ALK: variants seen among roughly 807,000 people sequenced by gnomAD.
The protein encoded by ALK is ALK receptor tyrosine kinase.
ALK carries 74 observed loss-of-function variants against 163.1 expected under a neutral mutation model. The ratio of observed to expected loss-of-function variants is 0.45; its 90% CI spans 0.38 to 0.55. The LOEUF (loss-of-function observed/expected upper bound fraction) is 0.55, where lower values mean the gene tolerates loss of function less well. ALK is among the 20% of genes least tolerant of loss of function. The probability of loss-of-function intolerance (pLI) is 0.00; values close to 1 mark genes in which losing one functional copy is unlikely to be tolerated. For missense variants in ALK, 2,063 were observed against 2,105.3 expected, an observed-to-expected ratio of 0.98 and a Z score of 0.39; for synonymous variants, 960 against 843.2, an observed-to-expected ratio of 1.14 and a Z score of -2.40.
chr2:29,470,568 C>T (rs536769545), intron 4 of ALK, among the ~76,000 whole-genome samples: 1 of 152,300 alleles, frequency 6.6e-6, no homozygotes, highest in African/African-American at 2.4e-5. Context: ...CGAAAGAGAA[C>T]AGAGTGATGT....
intron 2 of ALK, among the ~76,000 whole-genome samples, chr2:29,698,756 C>G (rs937768540): frequency 6.6e-6 from 1 of 152,202 alleles, no homozygotes; most frequent in East Asian, 1.9e-4. Flanking sequence ...ACAGGCTATG[C>G]AAATGTACCG....
intron 5 of ALK, among the ~76,000 whole-genome samples, chr2:29,339,658 A>G (rs1667732621): frequency 6.6e-6 from 1 of 152,230 alleles, no homozygotes; most frequent in South Asian, 2.1e-4. Context: ...CGACCAAGCA[A>G]GTCACGGAGG....
chr2:29,437,490 A>T (rs1039401497), intron 4 of ALK, among the ~76,000 whole-genome samples: 8 of 152,236 alleles, frequency 5.3e-5, no homozygotes, highest in African/African-American at 1.9e-4. Flanking sequence ...ACTTCTAAGT[A>T]CAGACAAAGA....
chr2:29,723,676 A>G (rs1679484313), intron 1 of ALK, among the ~76,000 whole-genome samples: 2 of 152,258 alleles, frequency 1.3e-5, no homozygotes, highest in Non-Finnish European at 2.9e-5. Context: ...GACGAGAATA[A>G]GAATAGGGCA....
chr2:29,842,807 C>T (rs1324983484), intron 1 of ALK, among the ~76,000 whole-genome samples: 1 of 152,188 alleles, frequency 6.6e-6, no homozygotes, highest in Non-Finnish European at 1.5e-5. Context: ...GCGCAAACAT[C>T]CATTCCAGCA....
At chr2:29,743,419 G>T (rs1366891708) in intron 1 of ALK, among the ~76,000 whole-genome samples, 1 of 152,078 alleles carries the variant, frequency 6.6e-6, no homozygotes, top group Non-Finnish European at 1.5e-5. Flanking sequence ...TACTCACCTT[G>T]GTGGTATAAA....
At chr2:29,319,594 G>A (rs1666947536) in intron 7 of ALK, among the ~76,000 whole-genome samples, 1 of 152,210 alleles carries the variant, frequency 6.6e-6, no homozygotes, top group South Asian at 2.1e-4. Flanking sequence ...TCATGGAGAG[G>A]TGGAGCTTGC....
intron 1 of ALK, among the ~76,000 whole-genome samples, chr2:29,752,410 C>T (rs1388129994): frequency 5.7e-5 from 8 of 141,582 alleles, no homozygotes; most frequent in Admixed American, 5.2e-4. Flanking sequence ...AGTGCAGTGG[C>T]GCGATCTCGA....
intron 3 of ALK, among the ~76,000 whole-genome samples, chr2:29,668,551 T>C (rs1315297529): frequency 6.6e-6 from 1 of 152,164 alleles, no homozygotes; most frequent in East Asian, 1.9e-4. Flanking sequence ...TCTGTGTCTG[T>C]GTATTTTCCA....
At chr2:29,872,882 C>T (rs1237223207) in intron 1 of ALK, among the ~76,000 whole-genome samples, 1 of 152,222 alleles carries the variant, frequency 6.6e-6, no homozygotes, top group East Asian at 1.9e-4. Context: ...AATGTACAGA[C>T]AAATCCTCTG....
intron 9 of ALK, among the ~76,000 whole-genome samples, chr2:29,285,763 A>G (rs1665839022): frequency 1.3e-5 from 2 of 150,408 alleles, no homozygotes; most frequent in African/African-American, 4.9e-5. Flanking sequence ...GGGTTTTACC[A>G]TGTTGGCCAG....
intron 3 of ALK, among the ~76,000 whole-genome samples, chr2:29,565,321 C>T (rs184749732): frequency 4.6e-5 from 7 of 152,140 alleles, no homozygotes; most frequent in East Asian, 1.9e-4. Context: ...TCGGGTCTTC[C>T]GGCGTTAGCT....
intron 11 of ALK, among the ~76,000 whole-genome samples, chr2:29,270,300 C>T (rs1015092850): frequency 1.9e-4 from 29 of 152,202 alleles, no homozygotes; most frequent in African/African-American, 6.5e-4. Flanking sequence ...AGTTGTCTAA[C>T]TTAGTGCAAG....
intron 4 of ALK, among the ~76,000 whole-genome samples, chr2:29,497,080 A>G (rs10197371): frequency 0.44 from 67,232 of 151,922 alleles, 15,473 homozygotes; most frequent in Middle Eastern, 0.5. Context: ...AGACCAGCCT[A>G]GTCAACATGG....
At chr2:29,800,907 G>A (rs1310469432) in intron 1 of ALK, among the ~76,000 whole-genome samples, 1 of 152,188 alleles carries the variant, frequency 6.6e-6, no homozygotes, top group Non-Finnish European at 1.5e-5. Flanking sequence ...GAGCCACGCC[G>A]CTAAGCGTGC....
chr2:29,862,265 C>T (rs971537611), intron 1 of ALK, among the ~76,000 whole-genome samples: 8 of 152,036 alleles, frequency 5.3e-5, no homozygotes, highest in African/African-American at 1.9e-4. Flanking sequence ...ACTGGAAGTC[C>T]TAGCCAGAGC....
chr2:29,288,560 G>A (rs1010612873), intron 9 of ALK, among the ~76,000 whole-genome samples: 1 of 152,206 alleles, frequency 6.6e-6, no homozygotes, highest in Non-Finnish European at 1.5e-5. Context: ...GCTGATGTGT[G>A]ATAACACCTG....
At chr2:29,268,125 A>AT (rs1333201105) in intron 11 of ALK, among the ~76,000 whole-genome samples, 1 of 152,178 alleles carries the variant, frequency 6.6e-6, no homozygotes. Flanking sequence ...ATGTGGAAGC[A>AT]TTTTGTCAGC....
chr2:29,345,861 A>G (rs1667934526), intron 5 of ALK, among the ~76,000 whole-genome samples: 5 of 152,190 alleles, frequency 3.3e-5, no homozygotes, highest in South Asian at 2.1e-4. Context: ...AACAAGCCCA[A>G]TGCACCTGTA....
Sources: allele counts gnomAD v4.1 joint callset (sites outside exome capture counted in the v4.1 genomes callset), GRCh38; gene constraint gnomAD v4.1.1; transcripts MANE v1.5; gene names NCBI Gene and HGNC (gene_info 2026-07-23, HGNC 2026-07-21).